NELL1: variants seen among roughly 807,000 people sequenced by gnomAD.
NELL1 encodes neural EGFL like 1.
In NELL1, 76 loss-of-function variants were observed where a neutral mutation model predicts 107.4. That is an observed-to-expected ratio of 0.71 (90% CI 0.59 to 0.86). NELL1 has a LOEUF of 0.86. NELL1 is among the 40% of genes least tolerant of loss of function. The pLI is 0.00. For synonymous variants in NELL1, 353 were observed against 341.2 expected, an observed-to-expected ratio of 1.03 and a Z score of -0.38; for missense variants, 1,024 against 1,005.5, an observed-to-expected ratio of 1.02 and a Z score of -0.25.
At chr11:21,166,423 T>C (rs1424685931) in intron 13 of NELL1, among the ~76,000 whole-genome samples, 1 of 151,892 alleles carries the variant, frequency 6.6e-6, no homozygotes, top group Non-Finnish European at 1.5e-5. Flanking sequence ...TTAAAATGAC[T>C]AAATTTTAAA....
chr11:21,260,953 G>A (rs945401060), intron 14 of NELL1, among the ~76,000 whole-genome samples: 4 of 151,656 alleles, frequency 2.6e-5, no homozygotes, highest in African/African-American at 9.7e-5. Context: ...AGTGGAGGGA[G>A]GTTAGAATAT....
chr11:21,036,197 T>A (rs1476174595), intron 12 of NELL1, among the ~76,000 whole-genome samples: 1 of 152,026 alleles, frequency 6.6e-6, no homozygotes, highest in East Asian at 1.9e-4. Context: ...AAGATCTCTA[T>A]GAGGAAACTA....
intron 15 of NELL1, among the ~76,000 whole-genome samples, chr11:21,451,743 G>C (rs1043083370): frequency 2.0e-5 from 3 of 152,140 alleles, no homozygotes; most frequent in Non-Finnish European, 4.4e-5. Context: ...TGGAACCAAT[G>C]GAGGCTTCAG....
chr11:21,323,374 G>A (rs1850056670), intron 14 of NELL1, among the ~76,000 whole-genome samples: 1 of 152,090 alleles, frequency 6.6e-6, no homozygotes, highest in Non-Finnish European at 1.5e-5. Context: ...CTAATAATAA[G>A]GACAGGGGAG....
At chr11:20,706,982 C>T (rs1290699885) in intron 2 of NELL1, among the ~76,000 whole-genome samples, 3 of 152,194 alleles carry the variant, frequency 2.0e-5, no homozygotes, top group Non-Finnish European at 4.4e-5. Flanking sequence ...GTTCCACTCT[C>T]CCCATCATTT....
intron 12 of NELL1, among the ~76,000 whole-genome samples, chr11:21,060,885 A>G (rs1341406900): frequency 1.3e-5 from 2 of 152,038 alleles, no homozygotes; most frequent in East Asian, 1.9e-4. Flanking sequence ...ACAGGTGTGC[A>G]CCACTATGCC....
At chr11:21,387,725 A>T (rs189232290) in intron 15 of NELL1, among the ~76,000 whole-genome samples, 5 of 151,912 alleles carry the variant, frequency 3.3e-5, no homozygotes, top group Admixed American at 3.3e-4. Context: ...TGAACTCTGA[A>T]TTCTGAGTGT....
At chr11:20,889,961 T>G (rs1240327944) in intron 5 of NELL1, among the ~76,000 whole-genome samples, 1 of 151,986 alleles carries the variant, frequency 6.6e-6, no homozygotes, top group Admixed American at 6.6e-5. Context: ...TCTAGACGAG[T>G]AGGTTTCCCC....
At chr11:21,326,981 G>A (rs1850157903) in intron 14 of NELL1, among the ~76,000 whole-genome samples, 1 of 151,864 alleles carries the variant, frequency 6.6e-6, no homozygotes, top group African/African-American at 2.4e-5. Flanking sequence ...TAAAGTATAG[G>A]ACATGATATT....
chr11:20,826,445 G>A (rs947847728), intron 3 of NELL1, among the ~76,000 whole-genome samples: 1 of 151,234 alleles, frequency 6.6e-6, no homozygotes, highest in Non-Finnish European at 1.5e-5. Flanking sequence ...AAGGAAGATG[G>A]TGAATGTGAC....
At chr11:21,519,528 G>C (rs140070629) in intron 15 of NELL1, among the ~76,000 whole-genome samples, 1 of 114,958 alleles carries the variant, frequency 8.7e-6, no homozygotes, top group African/African-American at 2.8e-5. Flanking sequence ...TTGTTTGTTT[G>C]TTTTGTTTTG....
intron 12 of NELL1, among the ~76,000 whole-genome samples, chr11:20,977,131 A>C (rs1851653441): frequency 6.6e-6 from 1 of 152,052 alleles, no homozygotes; most frequent in Admixed American, 6.6e-5. Context: ...GTGCTTTAAT[A>C]TATATTGTTT....
chr11:20,892,258 A>G (rs1849631465), intron 5 of NELL1, among the ~76,000 whole-genome samples: 1 of 152,210 alleles, frequency 6.6e-6, no homozygotes, highest in South Asian at 2.1e-4. Flanking sequence ...TGTGCTCCTG[A>G]ATTACTCCTG....
chr11:21,081,818 CAT>C lies in NELL1; in HGVS notation c.1301-31770_1301-31769del, dbSNP rs1854276640. On this transcript the variant is annotated intron_variant, in intron 12 of 19. Coordinates refer to ENST00000357134, the MANE Select transcript of NELL1 (RefSeq NM_006157.5). ...TCTTCGTAAAAAGTATAAATTAAAT[CAT>C]GTGAATACTAACTGTGTGTTCAGGG... Among the ~76,000 whole-genome samples the C allele has an allele frequency of 3.9e-5, 6 of 152,186 alleles. No homozygotes were observed. In the South Asian group the frequency reaches 1.2e-3, roughly 32 times the overall value.
At chr11:20,674,407 T>C in intron 1 of NELL1, 1 of 1,079,396 alleles carries the variant, frequency 9.3e-7, no homozygotes, top group Non-Finnish European at 1.4e-6. Flanking sequence ...GAATATAGTT[T>C]CCCCGAGTCC....
At chr11:21,455,318 TTC>T (rs1853699272) in intron 15 of NELL1, among the ~76,000 whole-genome samples, 1 of 103,886 alleles carries the variant, frequency 9.6e-6, no homozygotes, top group South Asian at 4.4e-4. Context: ...TTTTCTTTTA[TTC>T]TTTTTTTTTT....
chr11:21,130,222 G>C (rs1356562113), intron 13 of NELL1, among the ~76,000 whole-genome samples: 1 of 152,142 alleles, frequency 6.6e-6, no homozygotes, highest in Non-Finnish European at 1.5e-5. Context: ...TCTCTATCCT[G>C]TGAGTATCTC....
chr11:21,338,535 G>T (rs1274704452), intron 14 of NELL1, among the ~76,000 whole-genome samples: 1 of 152,066 alleles, frequency 6.6e-6, no homozygotes, highest in African/African-American at 2.4e-5. Flanking sequence ...AGTTTCCAGG[G>T]TTTCCAGGGT....
chr11:20,902,012 A>T (rs374028960), intron 5 of NELL1, among the ~76,000 whole-genome samples: 1 of 152,170 alleles, frequency 6.6e-6, no homozygotes, highest in East Asian at 1.9e-4. Context: ...AAAATCACTT[A>T]CAAGTACAAT....
Sources: gnomAD v4.1 joint callset for allele counts (sites outside exome capture counted in the v4.1 genomes callset) on GRCh38, gnomAD v4.1.1 for gene constraint, MANE v1.5 for transcripts, NCBI Gene and HGNC (gene_info 2026-07-23, HGNC 2026-07-21) for gene names.